The following RGL1 variants were observed in gnomAD, a reference collection of about 807,000 sequenced individuals.
The protein encoded by RGL1 is ral guanine nucleotide dissociation stimulator like 1, also known as ral guanine nucleotide dissociation stimulator-like 1.
Under a neutral mutation model 95.2 loss-of-function variants are expected in RGL1, and 24 were observed. That is an observed-to-expected ratio of 0.25 (90% CI 0.18 to 0.35). RGL1 has a LOEUF of 0.35. Among genes scored for constraint, RGL1 ranks in the 10% least tolerant of loss-of-function variants. The probability of loss-of-function intolerance (pLI) is 1.00; values close to 1 mark genes in which losing one functional copy is unlikely to be tolerated. For missense variants in RGL1, 715 were observed against 936.3 expected, an observed-to-expected ratio of 0.76 and a Z score of 3.08; for synonymous variants, 329 against 344.9, an observed-to-expected ratio of 0.95 and a Z score of 0.51.
intron 1 of RGL1, among the ~76,000 whole-genome samples, chr1:183,715,554 T>C (rs1271913458): frequency 2.6e-5 from 4 of 152,188 alleles, no homozygotes; most frequent in African/African-American, 9.7e-5. Flanking sequence ...AATAATTAGG[T>C]GACAGAGACT....
At chr1:183,767,436 C>T (rs141918459) in intron 2 of RGL1, among the ~76,000 whole-genome samples, 22 of 152,210 alleles carry the variant, frequency 1.4e-4, no homozygotes, top group African/African-American at 4.8e-4. Context: ...AAGCACGTGA[C>T]GGATATTTTG....
intron 15 of RGL1, 96 bp downstream of exon 15, chr1:183,912,364 C>A: frequency 1.0e-6 from 1 of 1,004,512 alleles, no homozygotes; most frequent in Non-Finnish European, 1.4e-6. Flanking sequence ...GTGGATCACT[C>A]TATAGTATTT....
At chr1:183,798,990 C>T (rs560103186) in intron 2 of RGL1, among the ~76,000 whole-genome samples, 26 of 151,450 alleles carry the variant, frequency 1.7e-4, no homozygotes, top group Non-Finnish European at 2.8e-4. Flanking sequence ...CTGCAAGCTC[C>T]GCCTCCCGGG....
rs1389813625 is a variant in RGL1, at chr1:183,806,355, C to T, written c.28-20C>T. The T allele has an allele frequency of 1.9e-6, 3 of 1,593,546 alleles. No individual in the cohort carries two copies. Among genetic ancestry groups the T allele is most frequent in the Admixed American group, 3.4e-5 (2 of 59,500 alleles). On this transcript the variant is annotated intron_variant, in intron 1 of 17. Transcript: ENST00000360851. ...GGAAAAAAATACTCTTTTTCTTTCTCTTTATCCCGTCCCTGGCAGAGCTCG... is the reference window on the plus strand; with the variant it reads ...GGAAAAAAATACTCTTTTTCTTTCTTTTTATCCCGTCCCTGGCAGAGCTCG...
At chr1:183,766,021 T>C (rs1264528124) in intron 2 of RGL1, among the ~76,000 whole-genome samples, 1 of 151,942 alleles carries the variant, frequency 6.6e-6, no homozygotes, top group East Asian at 1.9e-4. Flanking sequence ...ACATGGCACA[T>C]GTATACATAT....
chr1:183,742,070 C>T (rs1657341879), intron 1 of RGL1: 2 of 1,448,880 alleles, frequency 1.4e-6, no homozygotes, highest in Non-Finnish European at 1.9e-6. Context: ...GCTTCGATGT[C>T]TCTTTTAATG....
Position 183,648,047 on chromosome 1 carries a change from C to T in RGL1, c.-33+11546C>T. 4 of 1,614,164 alleles carry T rather than the reference C, an allele frequency of 2.5e-6. No homozygotes were observed. The South Asian group carries it at 4.4e-5, about 18-fold the overall frequency. ...CTTTTGTGTTTGGATTCCTTTTTGT[C>T]TGGAGAAGAACATCAGTGAAGTAAG... On this transcript the variant is annotated intron_variant, in intron 1 of 18. Transcript: ENST00000304685.
At chr1:183,661,936 A>G (rs1156981077) in intron 1 of RGL1, among the ~76,000 whole-genome samples, 1 of 150,352 alleles carries the variant, frequency 6.7e-6, no homozygotes, top group African/African-American at 2.5e-5. Context: ...AATCCAGCAT[A>G]TAAACAGAAC....
In RGL1 at chr1:183,927,822, T is replaced by G. The variant is rs1166265600; in HGVS notation, c.*1530T>G. On this transcript the variant is annotated 3_prime_UTR_variant, in exon 18 of 18. Coordinates refer to ENST00000360851, the MANE Select transcript of RGL1 (RefSeq NM_001297671.3). ...CAGATTGTAACATGGAGCTATTTTT[T>G]TTTCTTAATCCCATAATACAGCTCC... 1 of 152,670 alleles carries G rather than the reference T, an allele frequency of 6.6e-6. No individual in the cohort carries two copies. Among genetic ancestry groups the G allele is most frequent in the Non-Finnish European group, 1.5e-5 (1 of 68,048 alleles). The allele number at this position is 152,670 out of a possible 1,614,324, so 9.5% of individuals were successfully genotyped here.
At chr1:183,652,555 A>G (rs144216196) in intron 1 of RGL1, among the ~76,000 whole-genome samples, 92 of 152,178 alleles carry the variant, frequency 6.0e-4, no homozygotes, top group African/African-American at 2.2e-3. Flanking sequence ...TTTGTTATCG[A>G]CCACAGATTA....
At chr1:183,645,863 G>C (rs12039982) in intron 1 of RGL1, among the ~76,000 whole-genome samples, 12,434 of 152,254 alleles carry the variant, frequency 0.082, 998 homozygotes, top group African/African-American at 0.21. Flanking sequence ...TACGACCTGT[G>C]AGTAATCTTC....
At chr1:183,718,342 A>G (rs1655768833) in intron 1 of RGL1, among the ~76,000 whole-genome samples, 1 of 152,212 alleles carries the variant, frequency 6.6e-6, no homozygotes. Flanking sequence ...GGATACATTT[A>G]AAGGAATGAC....
intron 1 of RGL1, chr1:183,647,415 T>C: frequency 6.5e-6 from 2 of 306,770 alleles, no homozygotes; most frequent in Non-Finnish European, 5.8e-6. Flanking sequence ...ATCAAAATAT[T>C]AGCAAGCTGC....
intron 1 of RGL1, among the ~76,000 whole-genome samples, chr1:183,678,804 C>G (rs1227486073): frequency 2.0e-5 from 3 of 152,174 alleles, no homozygotes; most frequent in African/African-American, 4.8e-5. Flanking sequence ...AAGATCCAGT[C>G]TCACACTGAC....
chr1:183,658,131 G>A (rs892004250), intron 1 of RGL1, among the ~76,000 whole-genome samples: 6 of 152,250 alleles, frequency 3.9e-5, no homozygotes, highest in South Asian at 2.1e-4. Context: ...CGTGAGCGAC[G>A]CAGAAGATGG....
chr1:183,690,217 T>C (rs189151909), intron 1 of RGL1, among the ~76,000 whole-genome samples: 1 of 152,198 alleles, frequency 6.6e-6, no homozygotes, highest in Non-Finnish European at 1.5e-5. Flanking sequence ...AGACACTTTC[T>C]ACACCTATGG....
At chr1:183,883,328 CAA>C (rs1666929480) in intron 5 of RGL1, among the ~76,000 whole-genome samples, 1 of 152,174 alleles carries the variant, frequency 6.6e-6, no homozygotes, top group Non-Finnish European at 1.5e-5. Flanking sequence ...TTTCTAACAC[CAA>C]AATGGCTCAT....
intron 3 of RGL1, among the ~76,000 whole-genome samples, chr1:183,851,125 T>A (rs982365429): frequency 5.3e-5 from 8 of 152,220 alleles, no homozygotes; most frequent in Non-Finnish European, 8.8e-5. Context: ...TGAAAATGAA[T>A]CAAACTGCAT....
chr1:183,883,829 G>A lies in RGL1; in HGVS notation c.654G>A (p.Glu218=). The change falls in exon 6 of 18, where the codon GAG becomes GAA. Residue 218 remains glutamate (E), a synonymous_variant. Coordinates refer to ENST00000360851, the MANE Select transcript of RGL1 (RefSeq NM_001297671.3). ...NTISFSLEEE[E]ELEGGESAEF... The stretch of plus-strand genomic sequence containing the variant: ...TCTCCTTCAGCCTGGAAGAGGAAGA[G>A]GAACTGGAGGGTGGAGAGTCAGCAG... 1 of 1,614,122 alleles carries A rather than the reference G, an allele frequency of 6.2e-7. No individual in the cohort carries two copies.
Sources: allele counts gnomAD v4.1 joint callset (sites outside exome capture counted in the v4.1 genomes callset), GRCh38; gene constraint gnomAD v4.1.1; transcripts MANE v1.5; gene names NCBI Gene and HGNC (gene_info 2026-07-23, HGNC 2026-07-21).